The following TFIP11 variants were observed in gnomAD, a reference collection of about 807,000 sequenced individuals.
The protein encoded by TFIP11 is tuftelin interacting protein 11.
Under a neutral mutation model 96.8 loss-of-function variants are expected in TFIP11, and 86 were observed. The ratio of observed to expected loss-of-function variants is 0.89; its 90% CI spans 0.75 to 1.06. The LOEUF (loss-of-function observed/expected upper bound fraction) is 1.06, where lower values mean the gene tolerates loss of function less well. TFIP11 is among the 50% of genes least tolerant of loss of function. The pLI is 0.00. For synonymous variants in TFIP11, 405 were observed against 395.2 expected (o/e 1.02, Z -0.29); for missense variants, 881 against 1,076.7 (o/e 0.82, Z 2.54).
rs1429262445 is a variant in TFIP11 at position 26,506,385 on chromosome 22, T to C, written c.438A>G (p.Glu146=). Residue 146 remains glutamate (E), a synonymous_variant, in exon 6 of 15, where the codon GAA becomes GAG. Transcript: ENST00000407690. ...TCTGTCCAATTCCTTTTGTGTGTCT[T>C]TCCCAGCTGCCGAAGTCCATGAAAG... ...TKSFMDFGSW[E]RHTKGIGQKL... is the part of the protein sequence containing the mutation. 1 of 1,613,998 alleles carries C rather than the reference T, an allele frequency of 6.2e-7. No homozygotes were observed. Among genetic ancestry groups the C allele is most frequent in the Non-Finnish European group, 8.5e-7 (1 of 1,179,966 alleles).
chr22:26,509,179 C>T (rs1196652512), intron 4 of TFIP11, among the ~76,000 whole-genome samples: 1 of 152,216 alleles, frequency 6.6e-6, no homozygotes, highest in East Asian at 1.9e-4. Context: ...CTCTATCACA[C>T]ACACTATGCT....
At position 26,492,322 on chromosome 22, in the gene TFIP11, G is replaced by A; in HGVS notation, c.2205C>T (p.Thr735=). 1 of 1,614,200 alleles carries A rather than the reference G, an allele frequency of 6.2e-7. No homozygotes were observed. The highest frequency in any genetic ancestry group is 2.2e-5 in the East Asian group (1 of 44,880). ...PGARENIAYL[T]HTERRKDFQY... ...GGAAGTCCTTCCTCCGCTCCGTGTGGGTGAGATAGGCAATGTTCTCCCGTG... is the reference window on the plus strand; with the variant it reads ...GGAAGTCCTTCCTCCGCTCCGTGTGAGTGAGATAGGCAATGTTCTCCCGTG... The change falls in exon 15 of 15, where the codon ACC becomes ACT. Residue 735 remains threonine (T), a synonymous_variant. Coordinates refer to ENST00000407690, the MANE Select transcript of TFIP11 (RefSeq NM_012143.4).
intron 2 of TFIP11, 96 bp from the exon 3 acceptor site, chr22:26,510,798 G>A (rs1923963291): frequency 6.4e-6 from 1 of 155,828 alleles, no homozygotes; most frequent in Non-Finnish European, 1.4e-5. Flanking sequence ...AATTTCTTCT[G>A]ATGAACTGAA....
intron 8 of TFIP11, among the ~76,000 whole-genome samples, chr22:26,501,222 G>C (rs1434640273): frequency 6.6e-6 from 1 of 152,130 alleles, no homozygotes; most frequent in East Asian, 1.9e-4. Context: ...CGTAACAGTG[G>C]CTGAAAATTT....
In TFIP11 at chr22:26,492,131, T is replaced by G; in HGVS notation, c.2396A>C (p.Lys799Thr). 1 of 1,613,592 alleles carries G rather than the reference T, an allele frequency of 6.2e-7. No homozygotes were observed. The highest frequency in any genetic ancestry group is 1.6e-4 in the Middle Eastern group (1 of 6,062). Residue 799 changes from lysine to threonine, a missense_variant, in exon 15 of 15, where the codon AAG becomes ACG. Transcript: ENST00000407690. The stretch of plus-strand genomic sequence containing the variant: ...AATGCGGCCAAAGGTGTAGAGCTGC[T>G]TCCCTTCGTGTCGCTTCCCAATGAC... ...MPVIGKRHEG[K>T]QLYTFGRIVI...
chr22:26,509,729 G>A (rs531381438), intron 4 of TFIP11, among the ~76,000 whole-genome samples: 13 of 152,202 alleles, frequency 8.5e-5, no homozygotes, highest in Admixed American at 2.0e-4. Flanking sequence ...GGTGGCGTTT[G>A]CTTGTAATCC....
intron 10 of TFIP11, 128 bp from the exon 11 acceptor site, chr22:26,497,017 C>T: frequency 8.7e-7 from 1 of 1,152,844 alleles, no homozygotes; most frequent in Non-Finnish European, 1.2e-6. Context: ...CAGAGGAAAC[C>T]ATCAGGCCAG....
At position 26,498,945 on chromosome 22, in the gene TFIP11, T is replaced by TA. The variant is rs1296033456; in HGVS notation, c.1359dup (p.Lys454Ter). On this transcript the variant is annotated frameshift_variant, in exon 10 of 15. Coordinates refer to ENST00000407690, the MANE Select transcript of TFIP11 (RefSeq NM_012143.4). LOFTEE classifies it high-confidence loss of function. ...TCATTCTCTAGGAGGCTTTTCCACTTAGAGATGATCTCGGTGCCATAAGTG... is the reference window on the plus strand; with the variant it reads ...TCATTCTCTAGGAGGCTTTTCCACTTAAGAGATGATCTCGGTGCCATAAGTG... 1.2e-6 allele frequency: 2 copies of TA among 1,613,842 alleles called. No homozygotes were observed. The highest frequency in any genetic ancestry group is 8.5e-7 in the Non-Finnish European group (1 of 1,179,960).
At chr22:26,500,175 A>AT (rs1254288975) in intron 8 of TFIP11, among the ~76,000 whole-genome samples, 2 of 152,022 alleles carry the variant, frequency 1.3e-5, no homozygotes, top group Admixed American at 6.6e-5. Flanking sequence ...AATTTAATTT[A>AT]TTTATTTATT....
intron 10 of TFIP11, among the ~76,000 whole-genome samples, chr22:26,498,525 G>C (rs971223872): frequency 7.6e-6 from 1 of 131,568 alleles, no homozygotes; most frequent in Non-Finnish European, 1.5e-5. Flanking sequence ...CCTGGTGACA[G>C]AGTGAGACTC....
At chr22:26,498,745 G>A in intron 10 of TFIP11, 124 bp downstream of exon 10, 1 of 712,374 alleles carries the variant, frequency 1.4e-6, no homozygotes, top group Non-Finnish European at 2.4e-6. Flanking sequence ...AATTCCTAAA[G>A]CACTGTCAGC....
chr22:26,494,122 T>C lies in TFIP11; in HGVS notation c.2158+17A>G. 2 of 1,610,964 alleles carry C rather than the reference T, an allele frequency of 1.2e-6. No individual in the cohort carries two copies. Among genetic ancestry groups the C allele is most frequent in the South Asian group, 1.1e-5 (1 of 90,922 alleles). On this transcript the variant is annotated intron_variant, in intron 14 of 14. Transcript: ENST00000407690. ...AAACTTGGGGCCAGGACATCCAAAATGGGAATCCTCACTTACCAACGTTGG... is the reference window on the plus strand; with the variant it reads ...AAACTTGGGGCCAGGACATCCAAAACGGGAATCCTCACTTACCAACGTTGG...
intron 5 of TFIP11, 74 bp from the exon 6 acceptor site, chr22:26,506,533 C>T (rs995729185): frequency 1.7e-5 from 26 of 1,530,020 alleles, no homozygotes; most frequent in African/African-American, 4.2e-5. Flanking sequence ...GCTTGGCCAA[C>T]AGGAAAATGG....
At chr22:26,501,103 G>A (rs749774194) in intron 8 of TFIP11, among the ~76,000 whole-genome samples, 5 of 151,766 alleles carry the variant, frequency 3.3e-5, no homozygotes, top group African/African-American at 7.3e-5. Flanking sequence ...GGACGGTCTC[G>A]ATCTCCTGAC....
chr22:26,496,445 C>T, intron 11 of TFIP11, 129 bp from the exon 12 acceptor site: 2 of 1,266,044 alleles, frequency 1.6e-6, no homozygotes, highest in Non-Finnish European at 2.1e-6. Flanking sequence ...GTCCTTTGTA[C>T]ATTGCCAAAC....
rs753786291 is a variant in TFIP11 at position 26,499,397 on chromosome 22, G to A, written c.1036C>T (p.Arg346Trp). Residue 346 changes from arginine (R) to tryptophan (W), a missense_variant, in exon 9 of 15, where the codon CGG (arginine) becomes TGG (tryptophan). By Grantham distance (101) the Arg-to-Trp change is moderately radical (BLOSUM62 -3). Coordinates refer to ENST00000407690, the MANE Select transcript of TFIP11 (RefSeq NM_012143.4). ...IQNDRQLQYE[R>W]DMVVNLFHEL... ...TGGAAGAGGTTGACCACCATGTCCC[G>A]CTCATACTGTAGCTGCCGGTCATTC... The A allele has an allele frequency of 5.8e-5, 93 of 1,613,968 alleles. No homozygotes were observed. The East Asian group carries it at 1.5e-3, about 26-fold the overall frequency.
At position 26,494,137 on chromosome 22, in the gene TFIP11, A is replaced by G. The variant is rs995153211; in HGVS notation, c.2158+2T>C. 1.6e-5 allele frequency: 26 copies of G among 1,612,864 alleles called. No individual in the cohort carries two copies. Among genetic ancestry groups the G allele is most frequent in the Non-Finnish European group, 2.2e-5 (26 of 1,179,010 alleles). ...ACATCCAAAATGGGAATCCTCACTT[A>G]CCAACGTTGGAGGACACCGCCCGGT... On this transcript the variant is annotated splice_donor_variant, in intron 14 of 14. Coordinates refer to ENST00000407690, the MANE Select transcript of TFIP11 (RefSeq NM_012143.4). LOFTEE classifies it high-confidence loss of function.
In TFIP11 at chr22:26,491,765, T is replaced by C. The variant is rs1921215773; in HGVS notation, c.*248A>G. The C allele has an allele frequency of 2.5e-6, 3 of 1,219,444 alleles. No homozygotes were observed. Among genetic ancestry groups the C allele is most frequent in the African/African-American group, 3.0e-5 (2 of 65,654 alleles). 75.5% of individuals were successfully genotyped at this position (1,219,444 alleles called of 1,614,324 possible). On this transcript the variant is annotated 3_prime_UTR_variant, in exon 15 of 15. Coordinates refer to ENST00000407690, the MANE Select transcript of TFIP11 (RefSeq NM_012143.4). ...TATGGAGGAACTACAGAGAACTCCT[T>C]TGCCAGGAAAGAACATCAACTTGGC...
At chr22:26,498,774 A>C in intron 10 of TFIP11, 95 bp downstream of exon 10, 1 of 901,160 alleles carries the variant, frequency 1.1e-6, no homozygotes, top group South Asian at 1.4e-5. Flanking sequence ...AGAATTAATC[A>C]AGGCCAGCAC....
Sources: gnomAD v4.1 joint callset for allele counts (sites outside exome capture counted in the v4.1 genomes callset) on GRCh38, gnomAD v4.1.1 for gene constraint, MANE v1.5 for transcripts, NCBI Gene and HGNC (gene_info 2026-07-23, HGNC 2026-07-21) for gene names.